Variants in LZTFL1 observed in about 807,000 individuals in gnomAD.
LZTFL1 encodes leucine zipper transcription factor like 1.
LZTFL1 carries 25 observed loss-of-function variants against 45.9 expected under a neutral mutation model. The observed-to-expected ratio is 0.54, with a 90% CI of 0.40 to 0.76. The LOEUF (loss-of-function observed/expected upper bound fraction) is 0.76. Among genes scored for constraint, LZTFL1 ranks in the 30% least tolerant of loss-of-function variants. The pLI, the probability that LZTFL1 is intolerant of heterozygous loss-of-function variation, is 0.00. For missense variants in LZTFL1, 277 were observed against 331.1 expected (o/e 0.84, Z 1.27); for synonymous variants, 93 against 117.4 (o/e 0.79, Z 1.35).
At chr3:45,840,791 C>T (rs1306530245) in intron 1 of LZTFL1, among the ~76,000 whole-genome samples, 1 of 152,066 alleles carries the variant, frequency 6.6e-6, no homozygotes, top group African/African-American at 2.4e-5. Context: ...ACCATGCCCA[C>T]AAATCCATAT....
intron 1 of LZTFL1, among the ~76,000 whole-genome samples, chr3:45,914,189 G>T (rs527244163): frequency 6.6e-6 from 1 of 152,040 alleles, no homozygotes; most frequent in African/African-American, 2.4e-5. Context: ...ACACAGCAAC[G>T]TTCACCAGGA....
chr3:45,857,860 T>C (rs952676895), intron 3 of LZTFL1, among the ~76,000 whole-genome samples: 1 of 152,194 alleles, frequency 6.6e-6, no homozygotes, highest in Non-Finnish European at 1.5e-5. Flanking sequence ...TGTGTTACAA[T>C]TGATGAACTA....
intron 2 of LZTFL1, among the ~76,000 whole-genome samples, chr3:45,877,351 A>G (rs554902526): frequency 1.7e-3 from 257 of 151,114 alleles, no homozygotes; most frequent in Non-Finnish European, 3.3e-3. Context: ...CTCCTGCCTC[A>G]GCCTCCCAAG....
Position 45,901,319 on chromosome 3 carries a change from T to C in LZTFL1, c.-215+11801A>G, listed in dbSNP as rs202237812. 1.9e-5 allele frequency: 31 copies of C among 1,614,082 alleles called. No homozygotes were observed. The Admixed American group carries it at 4.3e-4, about 23-fold the overall frequency. On this transcript the variant is annotated intron_variant, in intron 2 of 4. Transcript: ENST00000472635. The surrounding 1 kb of genome is among the most constrained non-coding windows in gnomAD (Gnocchi z 4.3). ...GCTTTACCATCTGGGTATTGGCAGC[T>C]GCTCTCTGCATCCCAGAAATCTTAT... is the stretch of plus-strand genomic sequence containing the variant.
intron 2 of LZTFL1, among the ~76,000 whole-genome samples, chr3:45,882,092 A>G (rs1701871104): frequency 6.6e-6 from 1 of 152,224 alleles, no homozygotes; most frequent in Non-Finnish European, 1.5e-5. Context: ...GTGCTATTAG[A>G]TGGCTCTATT....
exon 2 of LZTFL1, chr3:45,913,177 C>A (rs777996400): frequency 6.5e-7 from 1 of 1,532,632 alleles, no homozygotes; most frequent in African/African-American, 1.4e-5. Context: ...ACAGCAAGAG[C>A]CTAGAAAATT....
chr3:45,844,869 C>A (rs186848302), upstream of LZTFL1, among the ~76,000 whole-genome samples: 114 of 152,252 alleles, frequency 7.5e-4, no homozygotes, highest in Middle Eastern at 6.8e-3. Flanking sequence ...TGCATTAAAG[C>A]AGGTCAAGCA....
At chr3:45,914,691 CA>C (rs1356453835) in intron 1 of LZTFL1, among the ~76,000 whole-genome samples, 2 of 152,208 alleles carry the variant, frequency 1.3e-5, no homozygotes, top group African/African-American at 4.8e-5. Flanking sequence ...GACTCTGGAG[CA>C]AAACTGAGCC....
intron 2 of LZTFL1, among the ~76,000 whole-genome samples, chr3:45,876,931 G>A (rs1002590974): frequency 3.3e-5 from 5 of 152,146 alleles, no homozygotes; most frequent in African/African-American, 1.2e-4. Flanking sequence ...TATTCCCCCA[G>A]CCTTCCTCCG....
chr3:45,859,728 C>A (rs529904846), intron 2 of LZTFL1, among the ~76,000 whole-genome samples: 30 of 151,226 alleles, frequency 2.0e-4, no homozygotes, highest in Admixed American at 7.2e-4. Flanking sequence ...CCTCTGCCTC[C>A]CAGGTTAAAG....
rs1702573592 is a variant in LZTFL1 at position 45,901,914 on chromosome 3, G to A, written c.-215+11206C>T. 9.1e-6 allele frequency: 14 copies of A among 1,545,156 alleles called. No individual in the cohort carries two copies. The highest frequency in any genetic ancestry group is 1.2e-5 in the Non-Finnish European group (14 of 1,145,286). On this transcript the variant is annotated intron_variant, in intron 2 of 4. Transcript: ENST00000472635. This position sits in a 1 kb window ranked among gnomAD's most constrained non-coding sequence, Gnocchi z 4.3. Reference sequence around the variant, plus strand: ...CTCCCTCTGAGGGGTCTTCTCTGAGGTGCATGGTTCTTTTGGAAGAAATGA... The same window carrying A: ...CTCCCTCTGAGGGGTCTTCTCTGAGATGCATGGTTCTTTTGGAAGAAATGA...
At chr3:45,911,788 A>AT (rs1702799787) in intron 2 of LZTFL1, among the ~76,000 whole-genome samples, 1 of 152,276 alleles carries the variant, frequency 6.6e-6, no homozygotes, top group Non-Finnish European at 1.5e-5. Flanking sequence ...GCAGAAAGAC[A>AT]TCAACAACTG....
At chr3:45,841,846 G>C in intron 1 of LZTFL1, 143 bp downstream of exon 1, 1 of 1,102,662 alleles carries the variant, frequency 9.1e-7, no homozygotes, top group Non-Finnish European at 1.3e-6. Flanking sequence ...CGCGCCCGGC[G>C]CAGCTCCCCT....
intron 1 of LZTFL1, among the ~76,000 whole-genome samples, chr3:45,841,537 C>T (rs986613192): frequency 6.6e-6 from 1 of 152,198 alleles, no homozygotes; most frequent in African/African-American, 2.4e-5. Context: ...CGCGCGCGCG[C>T]GTGTGTCTGT....
chr3:45,844,684 A>G (rs1701189980), upstream of LZTFL1, among the ~76,000 whole-genome samples: 1 of 152,210 alleles, frequency 6.6e-6, no homozygotes, highest in South Asian at 2.1e-4. Context: ...CTGAGAAAGT[A>G]GCCAAGACCT....
intron 1 of LZTFL1, among the ~76,000 whole-genome samples, chr3:45,841,536 G>C (rs1701113837): frequency 6.6e-6 from 1 of 152,196 alleles, no homozygotes; most frequent in African/African-American, 2.4e-5. Flanking sequence ...CCGCGCGCGC[G>C]CGTGTGTCTG....
intron 6 of LZTFL1, 23 bp from the exon 7 acceptor site, chr3:45,831,013 C>T (rs774724119): frequency 3.0e-5 from 49 of 1,609,120 alleles, no homozygotes; most frequent in Non-Finnish European, 4.0e-5. Flanking sequence ...TTAAACAAAA[C>T]ACTTTCAGTA....
chr3:45,887,544 G>T (rs1702019841), intron 2 of LZTFL1, among the ~76,000 whole-genome samples: 1 of 152,198 alleles, frequency 6.6e-6, no homozygotes, highest in Non-Finnish European at 1.5e-5. Flanking sequence ...TAGACGGCTG[G>T]CAAGTCCATC....
At position 45,848,354 on chromosome 3, in the gene LZTFL1, C is replaced by T. The variant is rs540228022; in HGVS notation, c.-49+6632G>A. On this transcript the variant is annotated intron_variant, in intron 4 of 4. Transcript: ENST00000472635. ...CTATGGTACATATCAAGTAATTCAA[C>T]TTTTTCTTGTAATATCATGACTTTG... Among the ~76,000 whole-genome samples the T allele has an allele frequency of 2.6e-5, 4 of 152,326 alleles. No homozygotes were observed. The East Asian group carries it at 7.7e-4, about 29-fold the overall frequency.
Sources: allele counts gnomAD v4.1 joint callset (sites outside exome capture counted in the v4.1 genomes callset), GRCh38; gene constraint gnomAD v4.1.1; non-coding constraint Gnocchi (gnomAD v3.1); transcripts MANE v1.5; gene names NCBI Gene and HGNC (gene_info 2026-07-23, HGNC 2026-07-21).